The following UROS variants were observed in gnomAD, a reference collection of about 807,000 sequenced individuals.
The protein encoded by UROS is uroporphyrinogen III synthase, also known as uroporphyrinogen-III synthase.
UROS carries 18 observed loss-of-function variants against 33.0 expected under a neutral mutation model. That is an observed-to-expected ratio of 0.55 (90% CI 0.38 to 0.81). The LOEUF (loss-of-function observed/expected upper bound fraction) is 0.81. Ranked by LOEUF, UROS falls within the 30% of genes least tolerant of loss-of-function variation. The pLI is 0.00. For synonymous variants in UROS, 114 were observed against 121.1 expected (o/e 0.94, Z 0.38); for missense variants, 293 against 314.9 (o/e 0.93, Z 0.53).
At chr10:125,801,106 T>A (rs897894396) in intron 6 of UROS, among the ~76,000 whole-genome samples, 9 of 152,172 alleles carry the variant, frequency 5.9e-5, no homozygotes, top group African/African-American at 2.2e-4. Flanking sequence ...GGCACTGCCA[T>A]GAGAATCAGT....
chr10:125,815,255 T>C (rs1457506194), intron 3 of UROS, 125 bp from the exon 4 acceptor site: 4 of 1,024,156 alleles, frequency 3.9e-6, no homozygotes, highest in Non-Finnish European at 6.0e-6. Context: ...CTTCCACCCA[T>C]CCCCCCAACA....
downstream of UROS, chr10:125,785,387 A>G (rs1391506297): frequency 2.6e-5 from 4 of 151,596 alleles, no homozygotes; most frequent in Admixed American, 2.6e-4. Context: ...TCTTATTCCA[A>G]ATGACCACGT....
chr10:125,794,273 G>A (rs1180769001), intron 9 of UROS: 27 of 925,588 alleles, frequency 2.9e-5, no homozygotes, highest in Non-Finnish European at 3.5e-5. Context: ...CTGTGAGAAG[G>A]CAGGTGAAGC....
intron 4 of UROS, 28 bp from the exon 5 acceptor site, chr10:125,812,316 T>G (rs750266135): frequency 6.2e-7 from 1 of 1,607,144 alleles, no homozygotes; most frequent in Admixed American, 1.7e-5. Flanking sequence ...ATATGTGAAT[T>G]GCAAATACCA....
At chr10:125,787,120 T>G (rs1850654928), downstream of UROS, among the ~76,000 whole-genome samples, 1 of 152,186 alleles carries the variant, frequency 6.6e-6, no homozygotes, top group African/African-American at 2.4e-5. Context: ...GCCTCACATC[T>G]CTTCAAAAGG....
chr10:125,802,482 G>T, intron 6 of UROS: 1 of 987,736 alleles, frequency 1.0e-6, no homozygotes, highest in Non-Finnish European at 1.2e-6. Context: ...CCTTTCAGTT[G>T]CTTAGCCTCA....
intron 9 of UROS, chr10:125,792,384 T>A (rs913100307): frequency 6.6e-6 from 1 of 152,222 alleles, no homozygotes; most frequent in African/African-American, 2.4e-5. Flanking sequence ...TCTCCATCCC[T>A]GGCACAAACT....
intron 6 of UROS, 85 bp from the exon 7 acceptor site, chr10:125,798,230 G>T (rs1851529007): frequency 1.4e-6 from 2 of 1,419,128 alleles, no homozygotes; most frequent in Non-Finnish European, 2.0e-6. Context: ...TTGGGAAGGG[G>T]GAAGCAGCCC....
chr10:125,807,589 A>G, intron 5 of UROS, 102 bp from the exon 6 acceptor site: 1 of 867,094 alleles, frequency 1.2e-6, no homozygotes, highest in South Asian at 1.4e-5. Context: ...GCAGTTTACA[A>G]ATCACATAGA....
intron 1 of UROS, among the ~76,000 whole-genome samples, chr10:125,821,402 T>C (rs1032677501): frequency 1.3e-5 from 2 of 152,264 alleles, no homozygotes; most frequent in Admixed American, 1.3e-4. Context: ...AATATTGTGT[T>C]ACTCCACTTA....
chr10:125,815,140 A>G lies in UROS; in HGVS notation c.148-10T>C. ...CTTCAGGATGAGAAAGCTGCACACCAAAAAGCAATAAAGACATTTTATACG... is the reference window on the plus strand; with the variant it reads ...CTTCAGGATGAGAAAGCTGCACACCGAAAAGCAATAAAGACATTTTATACG... On this transcript the variant is annotated splice_polypyrimidine_tract_variant and intron_variant, in intron 3 of 9. Coordinates refer to ENST00000368797, the MANE Select transcript of UROS (RefSeq NM_000375.3). 6.2e-7 allele frequency: 1 copy of G among 1,613,836 alleles called. No homozygotes were observed. The highest frequency in any genetic ancestry group is 8.5e-7 in the Non-Finnish European group (1 of 1,179,750).
intron 6 of UROS, among the ~76,000 whole-genome samples, chr10:125,803,392 T>G (rs1852004323): frequency 6.6e-6 from 1 of 152,340 alleles, no homozygotes; most frequent in East Asian, 1.9e-4. Flanking sequence ...CAGCAAGCCC[T>G]GGAGCACACT....
chr10:125,796,188 C>T lies in UROS; in HGVS notation c.476G>A (p.Gly159Glu), dbSNP rs1295681869. 6.2e-7 allele frequency: 1 copy of T among 1,614,084 alleles called. No homozygotes were observed. Among genetic ancestry groups the T allele is most frequent in the Admixed American group, 1.7e-5 (1 of 60,004 alleles). ...CACAGTTATGCTTTCCATGGCAATC[C>T]CTGGGCACAATCAAAAGCAGGAAAG... is the stretch of plus-strand genomic sequence containing the variant. ...EILPKALKDK[G>E]IAMESITVYQ... The change falls in exon 8 of 10, where the codon GGG becomes GAG. Residue 159 changes from glycine (G) to glutamate (E), a missense_variant and splice_region_variant. By Grantham distance (98) the Gly-to-Glu change is moderately conservative. Coordinates refer to ENST00000368797, the MANE Select transcript of UROS (RefSeq NM_000375.3).
intron 1 of UROS, among the ~76,000 whole-genome samples, chr10:125,820,695 G>A (rs1483446941): frequency 6.6e-6 from 1 of 152,216 alleles, no homozygotes; most frequent in Non-Finnish European, 1.5e-5. Context: ...TTATTTGCAG[G>A]AGGTGAAACC....
chr10:125,788,881 T>C lies in UROS; in HGVS notation c.785A>G (p.His262Arg), dbSNP rs575618725. The change falls in exon 10 of 10, where the codon CAT (histidine) becomes CGT (arginine). Residue 262 changes from histidine (H) to arginine (R), a missense_variant. Physicochemically the swap from His to Arg is conservative, Grantham distance 29. Coordinates refer to ENST00000368797, the MANE Select transcript of UROS (RefSeq NM_000375.3). ...TAGGTGGCTGACTCAGCAGCAGCCA[T>C]GGGGCTGGAGAGCCTTCCTGATGCC... is the stretch of plus-strand genomic sequence containing the variant. ...ATGIRKALQPHGCC is the reference protein window; with the variant it reads ...ATGIRKALQPRGCC The C allele has an allele frequency of 1.8e-5, 29 of 1,593,456 alleles. No homozygotes were observed. Among genetic ancestry groups the C allele is most frequent in the Middle Eastern group, 1.8e-4 (1 of 5,498 alleles).
chr10:125,790,059 A>G (rs1033746979), intron 9 of UROS, among the ~76,000 whole-genome samples: 4 of 152,210 alleles, frequency 2.6e-5, no homozygotes, highest in Non-Finnish European at 5.9e-5. Flanking sequence ...TAGTGGAGGT[A>G]ACAAGCCACC....
rs370581158 is a variant in UROS, at chr10:125,821,287, A to G, written c.-27+1742T>C. 5.2e-5 allele frequency among the ~76,000 whole-genome samples: 8 copies of G among 152,388 alleles called. No individual in the cohort carries two copies. In the South Asian group the frequency reaches 1.0e-3, roughly 20 times the overall value. Reference sequence around the variant, plus strand: ...AAACAAAATGTGGTCTATACATGCAATGGAGTATTATTCAGCCTTAACAAG... The same window carrying G: ...AAACAAAATGTGGTCTATACATGCAGTGGAGTATTATTCAGCCTTAACAAG... On this transcript the variant is annotated intron_variant, in intron 1 of 9. Coordinates refer to ENST00000368797, the MANE Select transcript of UROS (RefSeq NM_000375.3).
intron 8 of UROS, 131 bp from the exon 9 acceptor site, chr10:125,795,109 G>A (rs1366876511): frequency 1.9e-5 from 15 of 773,922 alleles, no homozygotes; most frequent in African/African-American, 5.1e-5. Context: ...AGTGGTTCCC[G>A]GCTGATGCTG....
chr10:125,822,417 G>C (rs1371593477), intron 1 of UROS, among the ~76,000 whole-genome samples: 1 of 151,844 alleles, frequency 6.6e-6, no homozygotes, highest in Non-Finnish European at 1.5e-5. Flanking sequence ...CCGTCTCCTG[G>C]GGGCATGCGA....
Sources: allele counts gnomAD v4.1 joint callset (sites outside exome capture counted in the v4.1 genomes callset), GRCh38; gene constraint gnomAD v4.1.1; transcripts MANE v1.5; gene names NCBI Gene and HGNC (gene_info 2026-07-23, HGNC 2026-07-21).